Variants in CAMSAP2 observed in about 807,000 individuals in gnomAD.
CAMSAP2 encodes calmodulin-regulated spectrin-associated protein 2.
A neutral mutation model predicts 146.1 loss-of-function variants in CAMSAP2; 26 were observed. The ratio of observed to expected loss-of-function variants is 0.18; its 90% CI spans 0.13 to 0.25. The LOEUF (loss-of-function observed/expected upper bound fraction) is 0.25, where lower values mean the gene tolerates loss of function less well. Ranked by LOEUF, CAMSAP2 falls within the 10% of genes least tolerant of loss-of-function variation. The pLI, the probability that CAMSAP2 is intolerant of heterozygous loss-of-function variation, is 1.00. For missense variants in CAMSAP2, 1,381 were observed against 1,759.3 expected (o/e 0.78, Z 3.85); for synonymous variants, 499 against 596.6 (o/e 0.84, Z 2.38).
chr1:200,747,043 G>A (rs942564196), intron 1 of CAMSAP2, among the ~76,000 whole-genome samples: 13 of 152,056 alleles, frequency 8.5e-5, no homozygotes, highest in Non-Finnish European at 1.5e-4. Flanking sequence ...TGAGTAGCTG[G>A]GACTACATGC....
At chr1:200,810,305 C>T (rs1239135653) in intron 3 of CAMSAP2, among the ~76,000 whole-genome samples, 3 of 152,276 alleles carry the variant, frequency 2.0e-5, no homozygotes, top group African/African-American at 2.4e-5. Flanking sequence ...TTGGGCCGGG[C>T]GTGGTGGCTC....
chr1:200,856,268 A>G, intron 15 of CAMSAP2, 143 bp downstream of exon 15: 1 of 612,404 alleles, frequency 1.6e-6, no homozygotes, highest in South Asian at 2.2e-5. Flanking sequence ...GGTCACTTTC[A>G]GGTAGTTCAG....
chr1:200,779,827 C>CTA (rs958395545), intron 2 of CAMSAP2, among the ~76,000 whole-genome samples: 1 of 151,748 alleles, frequency 6.6e-6, no homozygotes, highest in African/African-American at 2.4e-5. Context: ...TGTTTAATAA[C>CTA]TATAGAATAT....
At chr1:200,748,541 G>A (rs923007732) in intron 1 of CAMSAP2, among the ~76,000 whole-genome samples, 1 of 151,510 alleles carries the variant, frequency 6.6e-6, no homozygotes, top group Admixed American at 6.6e-5. Context: ...TCTTTTTCAG[G>A]TATATATGAC....
chr1:200,800,423 C>A (rs1666003907), intron 2 of CAMSAP2, among the ~76,000 whole-genome samples: 1 of 152,002 alleles, frequency 6.6e-6, no homozygotes, highest in South Asian at 2.1e-4. Context: ...ATGGAATGCC[C>A]TTCTTTGTCT....
At chr1:200,789,000 G>T (rs1017917791) in intron 2 of CAMSAP2, among the ~76,000 whole-genome samples, 1 of 151,990 alleles carries the variant, frequency 6.6e-6, no homozygotes, top group African/African-American at 2.4e-5. Context: ...CTTCTTTGGT[G>T]AGGTGTTTGT....
Position 200,848,621 on chromosome 1 carries a change from G to T in CAMSAP2, c.1852G>T (p.Asp618Tyr). 1 of 1,614,110 alleles carries T rather than the reference G, an allele frequency of 6.2e-7. No homozygotes were observed. Among genetic ancestry groups the T allele is most frequent in the Non-Finnish European group, 8.5e-7 (1 of 1,179,966 alleles). Residue 618 changes from aspartate (D) to tyrosine (Y), a missense_variant, in exon 11 of 17, where the codon GAT becomes TAT. Asp to Tyr is a radical substitution (Grantham distance 160). This residue lies in a region of CAMSAP2 where 447 missense variants were observed against 462.2 expected (regional missense o/e 0.97). Coordinates refer to ENST00000358823, the MANE Select transcript of CAMSAP2 (RefSeq NM_203459.4). ...VDTGIHVPSE[D>Y]IPETMDEDSS... ...CACTGGAATTCACGTTCCTTCAGAA[G>T]ATATTCCTGAAACTATGGACGAAGA...
At chr1:200,828,556 C>G (rs74689174) in intron 4 of CAMSAP2, 1 of 1,548,830 alleles carries the variant, frequency 6.5e-7, no homozygotes, top group Non-Finnish European at 8.7e-7. Flanking sequence ...CCTTTTTTCC[C>G]GCTGCTTCCT....
intron 14 of CAMSAP2, among the ~76,000 whole-genome samples, chr1:200,855,623 G>A (rs563303954): frequency 6.6e-6 from 1 of 151,462 alleles, no homozygotes; most frequent in South Asian, 2.1e-4. Flanking sequence ...TTGAGACGGA[G>A]TCTTTCTCCA....
chr1:200,849,066 C>A lies in CAMSAP2; in HGVS notation c.2297C>A (p.Ala766Asp). The part of the protein sequence containing the change: ...KLEEKRRAIE[A>D]QKKKMEAAFT... ...GAAGAAAAGAGGCGTGCTATAGAAGCCCAGAAAAAGAAAATGGAAGCTGCT... is the reference window on the plus strand; with the variant it reads ...GAAGAAAAGAGGCGTGCTATAGAAGACCAGAAAAAGAAAATGGAAGCTGCT... Residue 766 changes from alanine (A) to aspartate (D), a missense_variant, in exon 11 of 17, where the codon GCC becomes GAC. Transcript: ENST00000358823. The surrounding 1 kb of genome is among the most constrained non-coding windows in gnomAD (Gnocchi z 6.3). The A allele has an allele frequency of 6.2e-7, 1 of 1,613,882 alleles. No individual in the cohort carries two copies. The highest frequency in any genetic ancestry group is 1.1e-5 in the South Asian group (1 of 91,076).
At chr1:200,747,941 C>T (rs1171515019) in intron 1 of CAMSAP2, among the ~76,000 whole-genome samples, 1 of 150,092 alleles carries the variant, frequency 6.7e-6, no homozygotes, top group African/African-American at 2.5e-5. Context: ...GAGCCGAGAT[C>T]CTGCCACTGC....
chr1:200,834,637 G>C lies in CAMSAP2; in HGVS notation c.927+1792G>C, dbSNP rs530345149. 1.6e-4 allele frequency among the ~76,000 whole-genome samples: 25 copies of C among 152,212 alleles called. No individual in the cohort carries two copies. In the South Asian group the frequency reaches 3.9e-3, roughly 24 times the overall value. On this transcript the variant is annotated intron_variant, in intron 6 of 16. Coordinates refer to ENST00000358823, the MANE Select transcript of CAMSAP2 (RefSeq NM_203459.4). Reference sequence around the variant, plus strand: ...ACTACAATATAAAAACTTCAGGCCTGGTGCGGTGGCTCATGCCTATAATCC... The same window carrying C: ...ACTACAATATAAAAACTTCAGGCCTCGTGCGGTGGCTCATGCCTATAATCC...
chr1:200,754,995 G>T (rs1664610358), intron 1 of CAMSAP2, among the ~76,000 whole-genome samples: 1 of 152,188 alleles, frequency 6.6e-6, no homozygotes, highest in Admixed American at 6.5e-5. Flanking sequence ...TGTTTTCCCA[G>T]TTTTAGCCAA....
chr1:200,825,738 C>G (rs746122586), intron 4 of CAMSAP2, among the ~76,000 whole-genome samples: 3 of 152,120 alleles, frequency 2.0e-5, no homozygotes, highest in Admixed American at 6.5e-5. Flanking sequence ...GACCTCCTGA[C>G]CTCGTGATCT....
chr1:200,767,200 T>C (rs1206466694), intron 2 of CAMSAP2, among the ~76,000 whole-genome samples: 1 of 151,928 alleles, frequency 6.6e-6, no homozygotes, highest in Non-Finnish European at 1.5e-5. Context: ...CTGGGCATGG[T>C]GGCGCACTCC....
rs979423075 is a variant in CAMSAP2 at position 200,815,604 on chromosome 1, T to A, written c.605T>A (p.Leu202Gln). 4 of 1,577,100 alleles carry A rather than the reference T, an allele frequency of 2.5e-6. No homozygotes were observed. Among genetic ancestry groups the A allele is most frequent in the Non-Finnish European group, 3.4e-6 (4 of 1,164,174 alleles). ...LKDIMEQEQKLKEHHTVEAPG... is the reference protein window; with the variant it reads ...LKDIMEQEQKQKEHHTVEAPG... The stretch of plus-strand genomic sequence containing the variant: ...GACATAATGGAACAAGAACAAAAAC[T>A]GAAAGAACATCACACAGTTGAAGCT... The change falls in exon 4 of 17, where the codon CTG becomes CAG. Residue 202 changes from leucine to glutamine, a missense_variant. Physicochemically the swap from Leu to Gln is moderately radical, Grantham distance 113. Transcript: ENST00000358823.
At chr1:200,854,927 A>G (rs1667711040) in intron 14 of CAMSAP2, 38 bp downstream of exon 14, 4 of 1,393,942 alleles carry the variant, frequency 2.9e-6, no homozygotes, top group Non-Finnish European at 4.0e-6. Flanking sequence ...ACAGAAAAGA[A>G]TATAGTACCT....
chr1:200,766,390 G>A (rs1664953185), intron 2 of CAMSAP2, among the ~76,000 whole-genome samples: 1 of 151,950 alleles, frequency 6.6e-6, no homozygotes, highest in Admixed American at 6.6e-5. Flanking sequence ...GGCTATGCTG[G>A]GATTACAGGT....
chr1:200,855,884 C>T (rs1456103030), intron 14 of CAMSAP2, 126 bp from the exon 15 acceptor site: 5 of 635,712 alleles, frequency 7.9e-6, no homozygotes, highest in South Asian at 2.2e-5. Context: ...CATGAGCCAC[C>T]GCGCCCGGCC....
Sources: allele counts gnomAD v4.1 joint callset (sites outside exome capture counted in the v4.1 genomes callset), GRCh38; gene constraint gnomAD v4.1.1; regional missense constraint gnomAD v4.1.1; non-coding constraint Gnocchi (gnomAD v3.1); transcripts MANE v1.5; gene names NCBI Gene and HGNC (gene_info 2026-07-23, HGNC 2026-07-21).